GRAMD1C: variants seen among roughly 807,000 people sequenced by gnomAD.
GRAMD1C encodes the protein protein Aster-C.
Under a neutral mutation model 97.8 loss-of-function variants are expected in GRAMD1C, and 89 were observed. The ratio of observed to expected loss-of-function variants is 0.91; its 90% CI spans 0.77 to 1.09. The LOEUF is 1.09. GRAMD1C is among the 50% of genes least tolerant of loss of function. The pLI, the probability that GRAMD1C is intolerant of heterozygous loss-of-function variation, is 0.00. For missense variants in GRAMD1C, 740 were observed against 766.4 expected, an observed-to-expected ratio of 0.97 and a Z score of 0.41; for synonymous variants, 256 against 267.0, an observed-to-expected ratio of 0.96 and a Z score of 0.40.
chr3:113,843,390 A>G (rs1933457078), intron 1 of GRAMD1C, among the ~76,000 whole-genome samples: 1 of 151,678 alleles, frequency 6.6e-6, no homozygotes, highest in Admixed American at 6.6e-5. Context: ...ATGCTTTTAT[A>G]ATGGCTACTC....
chr3:113,878,669 C>A (rs1283410483), intron 5 of GRAMD1C, among the ~76,000 whole-genome samples: 1 of 152,178 alleles, frequency 6.6e-6, no homozygotes, highest in South Asian at 2.1e-4. Context: ...CAAGTCCCAT[C>A]TAACACCACA....
chr3:113,874,874 C>G (rs1455823181), intron 3 of GRAMD1C, among the ~76,000 whole-genome samples: 1 of 152,194 alleles, frequency 6.6e-6, no homozygotes, highest in Non-Finnish European at 1.5e-5. Flanking sequence ...ATAATTCATT[C>G]TCACAATGTG....
chr3:113,844,648 G>C lies in GRAMD1C; in HGVS notation c.173G>C (p.Trp58Ser), dbSNP rs759361836. Residue 58 changes from tryptophan to serine, a missense_variant and splice_region_variant, in exon 2 of 18, where the codon TGG (tryptophan) becomes TCG (serine). Physicochemically the swap from Trp to Ser is radical, Grantham distance 177. Transcript: ENST00000358160. ...LHNWSGDWSF[W>S]ISSSTYKDRN... ...AATTGGAGTGGTGACTGGAGCTTTT[G>C]GGTAATTTCTTTTTTTACGTCTTTA... is the stretch of plus-strand genomic sequence containing the variant. 1.3e-6 allele frequency: 2 copies of C among 1,575,754 alleles called. No homozygotes were observed. Among genetic ancestry groups the C allele is most frequent in the Non-Finnish European group, 1.7e-6 (2 of 1,165,230 alleles).
At chr3:113,886,114 C>T (rs976847374) in intron 6 of GRAMD1C, 4 of 1,491,218 alleles carry the variant, frequency 2.7e-6, no homozygotes, top group Admixed American at 2.0e-5. Context: ...ATCTGATGCC[C>T]TGTCCAATGT....
intron 1 of GRAMD1C, among the ~76,000 whole-genome samples, chr3:113,829,718 A>C (rs1034206501): frequency 6.6e-6 from 1 of 152,224 alleles, no homozygotes; most frequent in South Asian, 2.1e-4. Flanking sequence ...GCTAGATCAA[A>C]TATATCAGTG....
chr3:113,839,856 G>A (rs553491767), intron 1 of GRAMD1C, among the ~76,000 whole-genome samples: 33 of 152,264 alleles, frequency 2.2e-4, no homozygotes, highest in African/African-American at 7.9e-4. Context: ...GGACCACACA[G>A]CTAATAAGTC....
chr3:113,921,194 G>A (rs545991312), intron 10 of GRAMD1C, among the ~76,000 whole-genome samples: 38 of 152,288 alleles, frequency 2.5e-4, no homozygotes, highest in African/African-American at 8.9e-4. Context: ...AGTTCGCTCA[G>A]GATAATGGCC....
intron 1 of GRAMD1C, among the ~76,000 whole-genome samples, chr3:113,831,256 T>C (rs150814332): frequency 3.3e-5 from 5 of 152,242 alleles, no homozygotes; most frequent in African/African-American, 1.2e-4. Context: ...AGTTGCTATA[T>C]ATCTTTAGTG....
chr3:113,922,034 T>C (rs1463335678), intron 10 of GRAMD1C, among the ~76,000 whole-genome samples: 1 of 152,018 alleles, frequency 6.6e-6, no homozygotes, highest in Non-Finnish European at 1.5e-5. Context: ...AAATCTTTGC[T>C]AGGGCCTGTG....
intron 6 of GRAMD1C, chr3:113,891,021 G>A (rs953085213): frequency 3.5e-5 from 14 of 395,284 alleles, no homozygotes; most frequent in African/African-American, 6.1e-5. Flanking sequence ...GTATACACAC[G>A]GAGGTATCAC....
chr3:113,864,928 C>G (rs1219803884), intron 2 of GRAMD1C, among the ~76,000 whole-genome samples: 1 of 152,180 alleles, frequency 6.6e-6, no homozygotes, highest in African/African-American at 2.4e-5. Context: ...AACCCTACTT[C>G]TTGGTCCCAA....
chr3:113,928,844 A>G (rs932702829), intron 10 of GRAMD1C, among the ~76,000 whole-genome samples: 1 of 152,216 alleles, frequency 6.6e-6, no homozygotes. Context: ...TTGCATGTAT[A>G]TACCACATTT....
At chr3:113,873,603 T>C (rs2566979) in intron 3 of GRAMD1C, among the ~76,000 whole-genome samples, 149,586 of 152,168 alleles carry the variant, frequency 0.98, 73,584 homozygotes, top group East Asian at 1. Context: ...ACTGTAACCT[T>C]TGCCTCCCGC....
At chr3:113,876,867 GA>G (rs1397725476) in intron 5 of GRAMD1C, among the ~76,000 whole-genome samples, 7 of 150,270 alleles carry the variant, frequency 4.7e-5, no homozygotes, top group Non-Finnish European at 7.4e-5. Context: ...AAAGGAAAGA[GA>G]AAAAAAGAGG....
At chr3:113,925,532 A>G (rs1047705431) in intron 10 of GRAMD1C, among the ~76,000 whole-genome samples, 4 of 152,234 alleles carry the variant, frequency 2.6e-5, no homozygotes, top group Admixed American at 2.0e-4. Flanking sequence ...GGTCTTATTT[A>G]TCCAACTTTC....
intron 17 of GRAMD1C, 61 bp downstream of exon 17, chr3:113,940,406 T>A: frequency 1.1e-6 from 1 of 939,480 alleles, no homozygotes; most frequent in East Asian, 2.4e-5. Flanking sequence ...TTAGTTGCTC[T>A]TCTGTGTATG....
At chr3:113,860,272 G>A (rs1301975246) in intron 2 of GRAMD1C, among the ~76,000 whole-genome samples, 2 of 152,050 alleles carry the variant, frequency 1.3e-5, no homozygotes, top group African/African-American at 4.8e-5. Context: ...CACCCGCCTT[G>A]GCCTCCCAAA....
At chr3:113,932,309 C>T (rs950285572) in intron 11 of GRAMD1C, among the ~76,000 whole-genome samples, 14 of 152,060 alleles carry the variant, frequency 9.2e-5, no homozygotes, top group Admixed American at 3.3e-4. Context: ...GATTATCAAA[C>T]GTAAGAAAAG....
Position 113,838,849 on chromosome 3 carries a change from G to GGCGCGGGGCGGTGCGGTGCGGTGC in GRAMD1C, c.-46_-23dup, listed in dbSNP as rs1171008112. 22 of 1,193,722 alleles carry GGCGCGGGGCGGTGCGGTGCGGTGC rather than the reference G, an allele frequency of 1.8e-5. No homozygotes were observed. Among genetic ancestry groups the GGCGCGGGGCGGTGCGGTGCGGTGC allele is most frequent in the South Asian group, 4.2e-5 (1 of 23,712 alleles). 73.9% of individuals were successfully genotyped at this position (1,193,722 alleles called of 1,614,324 possible). A position where few individuals can be genotyped will look rare whatever the true frequency, so the allele number is the denominator to read the frequency against. ...TAACTCGCAGCGCGCGCTGGAGGTGGGCGCGGGGCGGTGCGGTGCGGTGCG... is the reference window on the plus strand; with the variant it reads ...TAACTCGCAGCGCGCGCTGGAGGTGGGCGCGGGGCGGTGCGGTGCGGTGCGCGCGGGGCGGTGCGGTGCGGTGCG... On this transcript the variant is annotated 5_prime_UTR_variant, in exon 1 of 18. Transcript: ENST00000358160.
Sources: allele counts gnomAD v4.1 joint callset (sites outside exome capture counted in the v4.1 genomes callset), GRCh38; gene constraint gnomAD v4.1.1; transcripts MANE v1.5; gene names NCBI Gene and HGNC (gene_info 2026-07-23, HGNC 2026-07-21).